The following KLRC1 variants were observed in gnomAD, a reference collection of about 807,000 sequenced individuals.
The protein encoded by KLRC1 is killer cell lectin like receptor C1, also known as NKG2-A/NKG2-B type II integral membrane protein.
KLRC1 carries 22 observed loss-of-function variants against 25.9 expected under a neutral mutation model. The observed-to-expected ratio is 0.85, with a 90% CI of 0.61 to 1.21. KLRC1 has a LOEUF of 1.21. Ranked by LOEUF, KLRC1 falls within the 50% of genes most tolerant of loss-of-function variation. The pLI, the probability that KLRC1 is intolerant of heterozygous loss-of-function variation, is 0.00. For missense variants in KLRC1, 240 were observed against 272.2 expected (o/e 0.88, Z 0.83); for synonymous variants, 77 against 93.1 (o/e 0.83, Z 0.99).
upstream of KLRC1, chr12:10,454,538 G>A (rs1352450020): frequency 2.2e-6 from 2 of 898,968 alleles, no homozygotes; most frequent in East Asian, 1.2e-4. Context: ...TTTAACTAGT[G>A]TCAGCCACAA....
At chr12:10,452,406 C>T (rs1364016595) in intron 1 of KLRC1, among the ~76,000 whole-genome samples, 1 of 152,062 alleles carries the variant, frequency 6.6e-6, no homozygotes, top group African/African-American at 2.4e-5. Flanking sequence ...TTAATTCTAG[C>T]TTTGACACTT....
intron 4 of KLRC1, 140 bp downstream of exon 4, chr12:10,449,774 T>A: frequency 1.6e-6 from 1 of 620,916 alleles, no homozygotes; most frequent in Non-Finnish European, 2.5e-6. Flanking sequence ...TGATGACAAG[T>A]GAATGCCTTA....
upstream of KLRC1, chr12:10,454,596 A>G: frequency 2.0e-6 from 2 of 985,208 alleles, no homozygotes; most frequent in Non-Finnish European, 2.4e-6. Flanking sequence ...AGACATATAC[A>G]TCTGTACCTC....
chr12:10,451,649 C>A (rs1202459212), intron 1 of KLRC1, among the ~76,000 whole-genome samples: 1 of 117,436 alleles, frequency 8.5e-6, no homozygotes, highest in African/African-American at 2.6e-5. Flanking sequence ...GAGTGAGACT[C>A]CGACTCAAAA....
At chr12:10,448,035 G>T (rs1265045424) in intron 5 of KLRC1, among the ~76,000 whole-genome samples, 3 of 152,048 alleles carry the variant, frequency 2.0e-5, no homozygotes, top group Non-Finnish European at 4.4e-5. Context: ...GGTTTTCTGG[G>T]TACCACACCA....
At chr12:10,446,896 A>G (rs12424871) in intron 6 of KLRC1, among the ~76,000 whole-genome samples, 7,931 of 152,290 alleles carry the variant, frequency 0.052, 485 homozygotes, top group South Asian at 0.26. Flanking sequence ...TGCAGAACCT[A>G]TAGAGAGATT....
At position 10,447,384 on chromosome 12, in the gene KLRC1, G is replaced by A. The variant is rs1864011194; in HGVS notation, c.590+148C>T. ...CGGTTGAAATATATGGACTACTATG[G>A]TCTATTGTAAAATATTTATGTCAGC... On this transcript the variant is annotated intron_variant, in intron 6 of 6. Transcript: ENST00000359151. 6 of 695,212 alleles carry A rather than the reference G, an allele frequency of 8.6e-6. No homozygotes were observed. In the South Asian group the frequency reaches 1.0e-4, roughly 12 times the overall value. The allele number at this position is 695,212 out of a possible 1,614,324, so 43.1% of individuals were successfully genotyped here. A position where few individuals can be genotyped will look rare whatever the true frequency, so the allele number is the denominator to read the frequency against.
At chr12:10,452,446 A>G (rs1864145568) in intron 1 of KLRC1, among the ~76,000 whole-genome samples, 1 of 152,120 alleles carries the variant, frequency 6.6e-6, no homozygotes, top group Non-Finnish European at 1.5e-5. Flanking sequence ...AAGTTATTCT[A>G]TTTTTAATAA....
intron 1 of KLRC1, 39 bp from the exon 2 acceptor site, chr12:10,451,226 T>C (rs1466627388): frequency 2.3e-6 from 3 of 1,291,184 alleles, no homozygotes; most frequent in Non-Finnish European, 3.1e-6. Flanking sequence ...AAATGGTTTA[T>C]ATACAGGATT....
At position 10,453,266 on chromosome 12, in the gene KLRC1, A is replaced by G. The variant is rs1371644115; in HGVS notation, c.-100T>C. 1.8e-5 allele frequency: 18 copies of G among 985,230 alleles called. No individual in the cohort carries two copies. The highest frequency in any genetic ancestry group is 1.1e-4 in the East Asian group (1 of 8,832). 61.0% of individuals were successfully genotyped at this position (985,230 alleles called of 1,614,324 possible). A position where few individuals can be genotyped will look rare whatever the true frequency, so the allele number is the denominator to read the frequency against. ...GGTTAGTCTCATAAAAAGGCCTGCT[A>G]TAGCTGTGTAATAAAAGGTGAAATT... is the stretch of plus-strand genomic sequence containing the variant. On this transcript the variant is annotated 5_prime_UTR_variant, in exon 1 of 7. Transcript: ENST00000359151.
rs938723801 is a variant in KLRC1 at position 10,449,091 on chromosome 12, CATT to C, written c.489+143_489+145del. ...CATTAGCAGTATATGAATTTTAAAA[CATT>C]ATTAAGTCAATCAATTAAATACTAC... On this transcript the variant is annotated intron_variant, in intron 5 of 6. Coordinates refer to ENST00000359151, the MANE Select transcript of KLRC1 (RefSeq NM_002259.5). 7.4e-6 allele frequency: 8 copies of C among 1,082,328 alleles called. No homozygotes were observed. In the Admixed American group the frequency reaches 1.4e-4, roughly 19 times the overall value. The allele number at this position is 1,082,328 out of a possible 1,614,324, so 67.0% of individuals were successfully genotyped here. A position where few individuals can be genotyped will look rare whatever the true frequency, so the allele number is the denominator to read the frequency against.
At position 10,450,513 on chromosome 12, in the gene KLRC1, G is replaced by T. The variant is rs1466555776; in HGVS notation, c.254C>A (p.Ala85Asp). The change falls in exon 3 of 7, where the codon GCC (alanine) becomes GAC (aspartate). Residue 85 changes from alanine to aspartate, a missense_variant. Coordinates refer to ENST00000359151, the MANE Select transcript of KLRC1 (RefSeq NM_002259.5). The stretch of plus-strand genomic sequence containing the variant: ...AATAACAACTATCGTTACCACAGAG[G>T]CCATTAAGATAAGACAGATAATTCC... ...ILGIICLILM[A>D]SVVTIVVIPS... 8.7e-6 allele frequency: 14 copies of T among 1,607,790 alleles called. No homozygotes were observed. The highest frequency in any genetic ancestry group is 1.2e-5 in the Non-Finnish European group (14 of 1,174,570).
chr12:10,443,859 A>G (rs138576628), downstream of KLRC1, among the ~76,000 whole-genome samples: 2,948 of 139,222 alleles, frequency 0.021, 496 homozygotes, highest in African/African-American at 0.08. Flanking sequence ...TACCAAATAA[A>G]TAACATATAA....
Position 10,447,641 on chromosome 12 carries a change from A to G in KLRC1, c.490-9T>C, listed in dbSNP as rs768390557. On this transcript the variant is annotated splice_polypyrimidine_tract_variant and intron_variant, in intron 5 of 6. Coordinates refer to ENST00000359151, the MANE Select transcript of KLRC1 (RefSeq NM_002259.5). ...ATGATGGACAGAAATTTCTAAAAGA[A>G]AAGAAAGAATTTTCACTTAAATAAT... is the stretch of plus-strand genomic sequence containing the variant. 1.1e-4 allele frequency: 177 copies of G among 1,579,330 alleles called. No individual in the cohort carries two copies. Among genetic ancestry groups the G allele is most frequent in the Non-Finnish European group, 9.9e-5 (115 of 1,159,670 alleles).
chr12:10,444,823 G>A (rs542577253), downstream of KLRC1, among the ~76,000 whole-genome samples: 1 of 151,424 alleles, frequency 6.6e-6, no homozygotes, highest in East Asian at 1.9e-4. Context: ...AACCTTTCAA[G>A]TATATAGCTA....
At chr12:10,443,570 G>A (rs1193278425), downstream of KLRC1, among the ~76,000 whole-genome samples, 1 of 141,556 alleles carries the variant, frequency 7.1e-6, no homozygotes, top group Non-Finnish European at 1.5e-5. Flanking sequence ...TCATAAATGG[G>A]ATTTTAAACC....
chr12:10,449,147 G>A, intron 5 of KLRC1, 90 bp downstream of exon 5: 1 of 1,517,858 alleles, frequency 6.6e-7, no homozygotes, highest in Non-Finnish European at 9.1e-7. Flanking sequence ...TAAGCTAAAT[G>A]TATATACCCA....
chr12:10,446,867 T>C (rs1341619339), intron 6 of KLRC1, among the ~76,000 whole-genome samples: 2 of 152,226 alleles, frequency 1.3e-5, no homozygotes, highest in Non-Finnish European at 2.9e-5. Flanking sequence ...TTCCAGTGGA[T>C]GCCTGAAACG....
upstream of KLRC1, chr12:10,454,632 C>G: frequency 1.0e-6 from 1 of 985,334 alleles, no homozygotes; most frequent in Non-Finnish European, 1.2e-6. Context: ...GACCTCTGTC[C>G]TACAGAAGAT....
Sources: allele counts gnomAD v4.1 joint callset (sites outside exome capture counted in the v4.1 genomes callset), GRCh38; gene constraint gnomAD v4.1.1; transcripts MANE v1.5; gene names NCBI Gene and HGNC (gene_info 2026-07-23, HGNC 2026-07-21).